Variants in NRG1 observed in about 807,000 individuals in gnomAD.
NRG1 encodes the protein neuregulin 1, also known as pro-neuregulin-1, membrane-bound isoform.
Under a neutral mutation model 63.8 loss-of-function variants are expected in NRG1, and 18 were observed. The observed-to-expected ratio is 0.28, with a 90% CI of 0.19 to 0.42. The LOEUF (loss-of-function observed/expected upper bound fraction) is 0.42, where lower values mean the gene tolerates loss of function less well. Among genes scored for constraint, NRG1 ranks in the 10% least tolerant of loss-of-function variants. The pLI, the probability that NRG1 is intolerant of heterozygous loss-of-function variation, is 1.00. For synonymous variants in NRG1, 302 were observed against 301.3 expected, an observed-to-expected ratio of 1.00 and a Z score of -0.02; for missense variants, 762 against 814.7, an observed-to-expected ratio of 0.94 and a Z score of 0.79.
Position 32,493,569 on chromosome 8 carries a change from C to T in NRG1, c.38-102259C>T, listed in dbSNP as rs1587960720. 2.0e-5 allele frequency among the ~76,000 whole-genome samples: 3 copies of T among 152,276 alleles called. No homozygotes were observed. In the East Asian group the frequency reaches 5.8e-4, roughly 29 times the overall value. On this transcript the variant is annotated intron_variant, in intron 1 of 10. Transcript: ENST00000519301. ...AATGCATCTCAAACAGATACAATGACATTCTTATAATTGCCTCATTTGAAA... is the reference window on the plus strand; with the variant it reads ...AATGCATCTCAAACAGATACAATGATATTCTTATAATTGCCTCATTTGAAA...
At chr8:31,958,827 A>T (rs2129625256) in intron 1 of NRG1, among the ~76,000 whole-genome samples, 1 of 152,322 alleles carries the variant, frequency 6.6e-6, no homozygotes, top group Middle Eastern at 3.4e-3. Context: ...GAATTCATTC[A>T]TCAGGAGTCC....
intron 1 of NRG1, among the ~76,000 whole-genome samples, chr8:31,721,075 C>G (rs989332818): frequency 2.0e-5 from 3 of 152,154 alleles, no homozygotes; most frequent in African/African-American, 7.2e-5. Flanking sequence ...GTGATAGGAG[C>G]TCCACCGTCT....
chr8:31,654,701 G>T (rs1389114028), intron 1 of NRG1, among the ~76,000 whole-genome samples: 1 of 152,224 alleles, frequency 6.6e-6, no homozygotes, highest in African/African-American at 2.4e-5. Context: ...GCTTTGGGAG[G>T]TTGAAGCAGG....
intron 5 of NRG1, among the ~76,000 whole-genome samples, chr8:32,719,763 G>A (rs538998841): frequency 2.5e-4 from 38 of 151,510 alleles, no homozygotes; most frequent in Non-Finnish European, 4.4e-4. Flanking sequence ...TTTTTTCTAC[G>A]TTTAACTTTT....
At chr8:31,905,545 G>T (rs945592807) in intron 1 of NRG1, among the ~76,000 whole-genome samples, 1 of 152,102 alleles carries the variant, frequency 6.6e-6, no homozygotes, top group Non-Finnish European at 1.5e-5. Context: ...TTATGTTTCT[G>T]ATTTTTAGAT....
At chr8:31,873,097 A>G (rs1028085316) in intron 1 of NRG1, among the ~76,000 whole-genome samples, 1 of 152,220 alleles carries the variant, frequency 6.6e-6, no homozygotes, top group Non-Finnish European at 1.5e-5. Context: ...GGGTACATAC[A>G]GCTGTAGTTC....
chr8:31,826,504 C>T (rs1404932822), intron 1 of NRG1, among the ~76,000 whole-genome samples: 1 of 152,208 alleles, frequency 6.6e-6, no homozygotes, highest in Non-Finnish European at 1.5e-5. Flanking sequence ...ATTGTGAGGC[C>T]TCCCCAGCCA....
At chr8:31,895,538 G>A (rs1220322995) in intron 1 of NRG1, among the ~76,000 whole-genome samples, 7 of 152,216 alleles carry the variant, frequency 4.6e-5, no homozygotes, top group African/African-American at 1.7e-4. Flanking sequence ...TCTTATCTGT[G>A]TCTAGGATCA....
At chr8:32,755,785 C>T (rs1474788905) in intron 8 of NRG1, among the ~76,000 whole-genome samples, 1 of 151,962 alleles carries the variant, frequency 6.6e-6, no homozygotes, top group East Asian at 1.9e-4. Flanking sequence ...CTCTTTCACC[C>T]AGGCTAGAAT....
chr8:32,488,740 C>G (rs1390793640), intron 1 of NRG1, among the ~76,000 whole-genome samples: 1 of 152,126 alleles, frequency 6.6e-6, no homozygotes, highest in Non-Finnish European at 1.5e-5. Flanking sequence ...AACAGGCAGG[C>G]AGAAATGGAG....
chr8:32,429,108 G>A (rs1817803467), intron 1 of NRG1, among the ~76,000 whole-genome samples: 1 of 152,110 alleles, frequency 6.6e-6, no homozygotes, highest in African/African-American at 2.4e-5. Flanking sequence ...ATCTGAGGGT[G>A]GAAGTGAAAT....
chr8:32,701,878 T>C (rs991294494), intron 5 of NRG1, among the ~76,000 whole-genome samples: 1 of 152,202 alleles, frequency 6.6e-6, no homozygotes, highest in African/African-American at 2.4e-5. Flanking sequence ...CCTAAGTACA[T>C]TTGAAAGTCC....
downstream of NRG1, among the ~76,000 whole-genome samples, chr8:32,772,065 A>G (rs1307428372): frequency 3.4e-4 from 2 of 5,870 alleles, no homozygotes; most frequent in African/African-American, 1.0e-3. Context: ...ATATATATAT[A>G]TATATATATA....
At chr8:31,726,973 C>T (rs73588391) in intron 1 of NRG1, among the ~76,000 whole-genome samples, 22,296 of 152,090 alleles carry the variant, frequency 0.15, 2,053 homozygotes, top group Non-Finnish European at 0.19. Flanking sequence ...TTCTAGGCAG[C>T]ACACCAGTGT....
At chr8:31,834,917 C>A (rs556768679) in intron 1 of NRG1, among the ~76,000 whole-genome samples, 3 of 152,092 alleles carry the variant, frequency 2.0e-5, no homozygotes, top group Middle Eastern at 3.2e-3. Flanking sequence ...GTACATTTAA[C>A]CTTTCAGTGC....
At chr8:32,678,628 TC>T (rs1367930055) in intron 5 of NRG1, among the ~76,000 whole-genome samples, 2 of 152,196 alleles carry the variant, frequency 1.3e-5, no homozygotes, top group Admixed American at 1.3e-4. Context: ...CCTGTCTCGA[TC>T]AATTGCTTCA....
intron 1 of NRG1, among the ~76,000 whole-genome samples, chr8:32,048,945 C>A (rs1319450703): frequency 1.3e-5 from 2 of 151,788 alleles, no homozygotes; most frequent in Non-Finnish European, 2.9e-5. Context: ...TTAAGGGAGG[C>A]CAAATGGAAA....
intron 1 of NRG1, among the ~76,000 whole-genome samples, chr8:31,933,890 A>G (rs1178254160): frequency 1.3e-5 from 2 of 152,126 alleles, no homozygotes; most frequent in Non-Finnish European, 1.5e-5. Context: ...ATTTTATAAT[A>G]CCAACCAGAA....
chr8:32,200,533 C>T (rs1563902169), intron 1 of NRG1, among the ~76,000 whole-genome samples: 1 of 152,120 alleles, frequency 6.6e-6, no homozygotes, highest in Non-Finnish European at 1.5e-5. Flanking sequence ...GAAGGTTCTT[C>T]TCAATTCACT....
Sources: gnomAD v4.1 joint callset for allele counts (sites outside exome capture counted in the v4.1 genomes callset) on GRCh38, gnomAD v4.1.1 for gene constraint, MANE v1.5 for transcripts, NCBI Gene and HGNC (gene_info 2026-07-23, HGNC 2026-07-21) for gene names.